CYB5R2: variants seen among roughly 807,000 people sequenced by gnomAD.
CYB5R2 encodes the protein cytochrome b5 reductase 2.
Under a neutral mutation model 29.8 loss-of-function variants are expected in CYB5R2, and 35 were observed. The observed-to-expected ratio is 1.17, with a 90% CI of 0.90 to 1.56. The LOEUF (loss-of-function observed/expected upper bound fraction) is 1.56. Among genes scored for constraint, CYB5R2 ranks in the 40% most tolerant of loss-of-function variants. CYB5R2 has a pLI of 0.00. For missense variants in CYB5R2, 419 were observed against 346.7 expected (o/e 1.21, Z -1.66); for synonymous variants, 169 against 130.6 (o/e 1.29, Z -2.01).
At chr11:7,666,363 AAAAC>A in intron 8 of CYB5R2, 84 bp downstream of exon 8, 1 of 869,970 alleles carries the variant, frequency 1.1e-6, no homozygotes, top group Non-Finnish European at 1.9e-6. Context: ...CTACAAAACT[AAAAC>A]AAAACAAAGA....
rs556984786 is a variant in CYB5R2, at chr11:7,665,914, G to A, written c.659-368C>T. On this transcript the variant is annotated intron_variant, in intron 8 of 8. Coordinates refer to ENST00000299498, the MANE Select transcript of CYB5R2 (RefSeq NM_016229.5). ...GGAACTGCGCAGAATTGCTCAGTAG[G>A]GTAGCGCCCTCTGCCGACCAGGGAC... The A allele has an allele frequency of 4.0e-4, 612 of 1,536,110 alleles. 10 individuals are homozygous for A. In the South Asian group the frequency reaches 6.6e-3, roughly 17 times the overall value.
rs374847296 is a variant in CYB5R2, at chr11:7,672,875, A to G, written c.-50T>C. 3.7e-6 allele frequency: 6 copies of G among 1,613,528 alleles called. No individual in the cohort carries two copies. Among genetic ancestry groups the G allele is most frequent in the Non-Finnish European group, 5.1e-6 (6 of 1,179,778 alleles). On this transcript the variant is annotated 5_prime_UTR_variant, in exon 2 of 9. Transcript: ENST00000299498. Reference sequence around the variant, plus strand: ...AGTGACCCCAGTGACGGTGATGGTCAGGAGCAGGGACGGGTCCTGGCAGAC... The same window carrying G: ...AGTGACCCCAGTGACGGTGATGGTCGGGAGCAGGGACGGGTCCTGGCAGAC...
intron 8 of CYB5R2, chr11:7,665,894 T>A: frequency 6.5e-7 from 1 of 1,536,154 alleles, no homozygotes; most frequent in Non-Finnish European, 8.7e-7. Flanking sequence ...TTAGTGGAAC[T>A]GCGCAGAATT....
In CYB5R2 at chr11:7,665,545, G is replaced by A; in HGVS notation, c.660C>T (p.Gly220=). 3 of 1,600,292 alleles carry A rather than the reference G, an allele frequency of 1.9e-6. No individual in the cohort carries two copies. Among genetic ancestry groups the A allele is most frequent in the Non-Finnish European group, 2.6e-6 (3 of 1,174,650 alleles). Residue 220 remains glycine (G), a splice_region_variant and synonymous_variant, in exon 9 of 9, where the codon GGC becomes GGT. Transcript: ENST00000299498. ...TAACGAAGCCTGAGCTGTACTTCCA[G>A]CCTGAAATGAAGGAGATGCAGGAGC... ...LWYTLDRPPI[G]WKYSSGFVTA...
intron 8 of CYB5R2, 107 bp from the exon 9 acceptor site, chr11:7,665,653 T>C: frequency 7.7e-7 from 1 of 1,292,842 alleles, no homozygotes; most frequent in African/African-American, 1.5e-5. Context: ...GACAAGCTGC[T>C]CTACAAAGGC....
chr11:7,665,795 T>C, intron 8 of CYB5R2: 2 of 1,492,842 alleles, frequency 1.3e-6, no homozygotes, highest in Non-Finnish European at 9.0e-7. Flanking sequence ...GCTGTCAGCA[T>C]TGACGAGGAA....
chr11:7,670,404 G>A (rs1855655742), intron 3 of CYB5R2: 1 of 152,106 alleles, frequency 6.6e-6, no homozygotes, highest in East Asian at 1.9e-4. Context: ...AGAAAAATAT[G>A]TGGCCTTCAC....
intron 3 of CYB5R2, chr11:7,672,166 C>A: frequency 2.5e-6 from 1 of 402,000 alleles, no homozygotes. Flanking sequence ...TTAAGTTCCC[C>A]AGCAAGGAGC....
intron 3 of CYB5R2, chr11:7,672,227 C>T (rs1013140329): frequency 7.6e-6 from 4 of 527,344 alleles, no homozygotes; most frequent in African/African-American, 5.7e-5. Context: ...CTTTTCAATG[C>T]TCACTGAGGT....
rs963763679 is a variant in CYB5R2, at chr11:7,669,869, A to T, written c.152-138T>A. The T allele has an allele frequency of 1.1e-5, 8 of 699,902 alleles. No individual in the cohort carries two copies. In the African/African-American group the frequency reaches 1.4e-4, roughly 12 times the overall value. The allele number at this position is 699,902 out of a possible 1,614,324, so 43.4% of individuals were successfully genotyped here. ...AGGGGTGGGAAGAAGAGAGCAGGGA[A>T]GGAACCCAAATATGGGATGCCCGGA... On this transcript the variant is annotated intron_variant, in intron 3 of 8. Coordinates refer to ENST00000299498, the MANE Select transcript of CYB5R2 (RefSeq NM_016229.5).
intron 3 of CYB5R2, chr11:7,670,114 C>T (rs1414278678): frequency 5.0e-6 from 1 of 198,288 alleles, no homozygotes; most frequent in African/African-American, 2.4e-5. Flanking sequence ...TAATCCCAGC[C>T]CAGAGGCGGG....
In CYB5R2 at chr11:7,665,563, G is replaced by GC; in HGVS notation, c.659-18dup. The GC allele has an allele frequency of 6.3e-7, 1 of 1,586,360 alleles. No homozygotes were observed. The highest frequency in any genetic ancestry group is 8.6e-7 in the Non-Finnish European group (1 of 1,167,538). Reference sequence around the variant, plus strand: ...ACTTCCAGCCTGAAATGAAGGAGATGCAGGAGCAAGCTGAGCGATGCCAGG... The same window carrying GC: ...ACTTCCAGCCTGAAATGAAGGAGATGCCAGGAGCAAGCTGAGCGATGCCAGG... On this transcript the variant is annotated splice_polypyrimidine_tract_variant and intron_variant, in intron 8 of 8. Coordinates refer to ENST00000299498, the MANE Select transcript of CYB5R2 (RefSeq NM_016229.5).
Position 7,669,316 on chromosome 11 carries a change from G to C in CYB5R2, c.277C>G (p.His93Asp). The change falls in exon 5 of 9, where the codon CAC becomes GAC. Residue 93 changes from histidine to aspartate, a missense_variant. By Grantham distance (81) the His-to-Asp change is moderately conservative. Coordinates refer to ENST00000299498, the MANE Select transcript of CYB5R2 (RefSeq NM_016229.5). The stretch of plus-strand genomic sequence containing the variant: ...TTCCCACCTTCAGGATATTGGGGGT[G>C]TACATTTTTGAAGTAGATCTGAAAA... ...LIIKIYFKNV[H>D]PQYPEGGKMT... 6.2e-7 allele frequency: 1 copy of C among 1,612,124 alleles called. No homozygotes were observed. Among genetic ancestry groups the C allele is most frequent in the Non-Finnish European group, 8.5e-7 (1 of 1,178,984 alleles).
At chr11:7,672,973 C>G in intron 1 of CYB5R2, 82 bp from the exon 2 acceptor site, 2 of 1,338,458 alleles carry the variant, frequency 1.5e-6, no homozygotes. Context: ...ACACCCTCCC[C>G]ACACCAAAGG....
upstream of CYB5R2, chr11:7,673,657 G>A (rs1257496489): frequency 2.0e-6 from 2 of 985,272 alleles, no homozygotes; most frequent in Non-Finnish European, 2.4e-6. Flanking sequence ...CTTTCCTTCC[G>A]GCCGTCCCGA....
rs1340233168 is a variant in CYB5R2 at position 7,668,489 on chromosome 11, G to GCAAT, written c.457_460dup (p.Ala154AspfsTer23). On this transcript the variant is annotated frameshift_variant, in exon 6 of 9. Coordinates refer to ENST00000299498, the MANE Select transcript of CYB5R2 (RefSeq NM_016229.5). LOFTEE classifies it high-confidence loss of function. ...TAGAAGCCTCTTACCTGTGCCCCCA[G>GCAAT]CAATCATTCCCAGGTGATCGGCCAG... 5 of 1,613,756 alleles carry GCAAT rather than the reference G, an allele frequency of 3.1e-6. No homozygotes were observed. The highest frequency in any genetic ancestry group is 4.2e-6 in the Non-Finnish European group (5 of 1,179,660).
At position 7,669,648 on chromosome 11, in the gene CYB5R2, C is replaced by G; in HGVS notation, c.235G>C (p.Gly79Arg). The change falls in exon 4 of 9, where the codon GGC becomes CGC. Residue 79 changes from glycine (G) to arginine (R), a missense_variant. By Grantham distance (125) the Gly-to-Arg change is moderately radical. Transcript: ENST00000299498. ...YTPVSSDDDR[G>R]FVDLIIKIYF... is the part of the protein sequence containing the mutation. ...ACCTTTATAATTAGGTCCACAAAGC[C>G]TCTGTCATCATCACTGGAGACAGGG... is the stretch of plus-strand genomic sequence containing the variant. The G allele has an allele frequency of 4.4e-6, 7 of 1,607,602 alleles. No individual in the cohort carries two copies. Among genetic ancestry groups the G allele is most frequent in the Non-Finnish European group, 5.9e-6 (7 of 1,177,642 alleles).
upstream of CYB5R2, chr11:7,673,682 CAATACTCCATA>C (rs576175966): frequency 3.5e-4 from 343 of 985,648 alleles, 1 homozygote; most frequent in African/African-American, 5.4e-3. Context: ...GATATTTCTT[CAATACTCCATA>C]AATACACCCC....
chr11:7,669,506 T>C (rs142607450), intron 4 of CYB5R2, 119 bp downstream of exon 4: 1 of 1,208,684 alleles, frequency 8.3e-7, no homozygotes, highest in South Asian at 1.5e-5. Context: ...GTAGCTTCAC[T>C]GCTGGAAAGC....
Sources: gnomAD v4.1 joint callset for allele counts on GRCh38, gnomAD v4.1.1 for gene constraint, MANE v1.5 for transcripts, NCBI Gene and HGNC (gene_info 2026-07-23, HGNC 2026-07-21) for gene names.